Variants in ASIC5 observed in about 807,000 individuals in gnomAD.
ASIC5 encodes the protein bile acid-sensitive ion channel.
In ASIC5, 52 loss-of-function variants were observed where a neutral mutation model predicts 51.2. The observed-to-expected ratio is 1.02, with a 90% confidence interval of 0.81 to 1.28. ASIC5 has a LOEUF of 1.28. Among genes scored for constraint, ASIC5 ranks in the 50% most tolerant of loss-of-function variants. ASIC5 has a pLI of 0.00. For missense variants in ASIC5, 635 were observed against 595.0 expected (o/e 1.07, Z -0.70); for synonymous variants, 231 against 200.7 (o/e 1.15, Z -1.28).
intron 2 of ASIC5, among the ~76,000 whole-genome samples, chr4:155,860,080 T>C (rs1279505851): frequency 6.6e-6 from 1 of 152,008 alleles, no homozygotes; most frequent in African/African-American, 2.4e-5. Flanking sequence ...GACTATTTGT[T>C]AAGGCTTCCA....
At chr4:155,848,797 TAAAC>T (rs1741314776) in intron 4 of ASIC5, among the ~76,000 whole-genome samples, 1 of 152,106 alleles carries the variant, frequency 6.6e-6, no homozygotes, top group African/African-American at 2.4e-5. Context: ...TCATGAGTAT[TAAAC>T]AGAACAGGAA....
At chr4:155,854,368 G>GTCTTCCA in intron 2 of ASIC5, 54 bp from the exon 3 acceptor site, 2 of 1,180,828 alleles carry the variant, frequency 1.7e-6, no homozygotes, top group Non-Finnish European at 2.5e-6. Flanking sequence ...ATAATTATCT[G>GTCTTCCA]GAAGACAGAT....
chr4:155,853,970 TTTGGA>T (rs1741455107), intron 3 of ASIC5, 102 bp downstream of exon 3: 1 of 824,812 alleles, frequency 1.2e-6, no homozygotes, highest in African/African-American at 1.7e-5. Context: ...TGTAAGCAAA[TTTGGA>T]TTGATTCACC....
chr4:155,853,417 CT>C (rs1330589535), intron 3 of ASIC5, among the ~76,000 whole-genome samples: 2 of 151,674 alleles, frequency 1.3e-5, no homozygotes, highest in Admixed American at 1.3e-4. Context: ...ATCAAATTGC[CT>C]GTATAGTTCT....
At chr4:155,845,636 A>G (rs1741222560) in intron 4 of ASIC5, among the ~76,000 whole-genome samples, 1 of 152,074 alleles carries the variant, frequency 6.6e-6, no homozygotes, top group African/African-American at 2.4e-5. Flanking sequence ...AGCTCTGCCC[A>G]GAGCTTAGAG....
At chr4:155,845,817 A>AT (rs1052849561) in intron 4 of ASIC5, among the ~76,000 whole-genome samples, 62 of 152,080 alleles carry the variant, frequency 4.1e-4, no homozygotes, top group African/African-American at 1.4e-3. Context: ...AAAGTTTGCT[A>AT]TTTTATTTTC....
chr4:155,838,095 G>T lies in ASIC5; in HGVS notation c.1066+718C>A, dbSNP rs867984086. ...TGAAATATTTTACAACCATTGAAAA[G>T]AACCTTTTAAATCTATTCCTGCTAC... On this transcript the variant is annotated intron_variant, in intron 7 of 9. Transcript: ENST00000537611. Among the ~76,000 whole-genome samples, 3 of 152,252 alleles carry T rather than the reference G, an allele frequency of 2.0e-5. No homozygotes were observed. The East Asian group carries it at 5.8e-4, about 29-fold the overall frequency.
chr4:155,851,525 G>C (rs1741381461), intron 4 of ASIC5, among the ~76,000 whole-genome samples: 1 of 151,936 alleles, frequency 6.6e-6, no homozygotes, highest in Non-Finnish European at 1.5e-5. Flanking sequence ...AAAGTAGAAT[G>C]CCTTAAAATG....
chr4:155,836,690 T>G lies in ASIC5; in HGVS notation c.1234A>C (p.Arg412=). The part of the protein sequence containing the change: ...KKLNQSRKYI[R]ENLVKIEINY... ...AATTTAAAAGGCTAGTAAGGTTACC[T>G]GATGTATTTCCGGCTTTGATTCAAC... is the stretch of plus-strand genomic sequence containing the variant. The change falls in exon 8 of 10, where the codon AGG becomes CGG. Residue 412 remains arginine, a splice_region_variant and synonymous_variant. Coordinates refer to ENST00000537611, the MANE Select transcript of ASIC5 (RefSeq NM_017419.3). 1 of 1,597,788 alleles carries G rather than the reference T, an allele frequency of 6.3e-7. No individual in the cohort carries two copies. The highest frequency in any genetic ancestry group is 8.6e-7 in the Non-Finnish European group (1 of 1,167,650).
At chr4:155,838,288 T>C (rs1211429972) in intron 7 of ASIC5, among the ~76,000 whole-genome samples, 1 of 151,864 alleles carries the variant, frequency 6.6e-6, no homozygotes, top group East Asian at 1.9e-4. Context: ...TATTGCAGGT[T>C]AAGGTAAGAG....
chr4:155,853,720 G>A (rs559515327), intron 3 of ASIC5, among the ~76,000 whole-genome samples: 55 of 151,400 alleles, frequency 3.6e-4, no homozygotes, highest in Admixed American at 3.6e-3. Flanking sequence ...TATGCAGAGT[G>A]ATGGATATTT....
intron 7 of ASIC5, among the ~76,000 whole-genome samples, chr4:155,837,724 C>T (rs1252565087): frequency 1.3e-5 from 2 of 151,984 alleles, no homozygotes; most frequent in Admixed American, 6.6e-5. Flanking sequence ...GCAAAGACCA[C>T]CACTCTTCTC....
intron 8 of ASIC5, among the ~76,000 whole-genome samples, chr4:155,836,046 T>C (rs1451176421): frequency 6.6e-6 from 1 of 152,238 alleles, no homozygotes; most frequent in East Asian, 1.9e-4. Flanking sequence ...GAAATGCTAA[T>C]GTTGCTTCCC....
chr4:155,829,741 T>C lies in ASIC5; in HGVS notation c.*115A>G. On this transcript the variant is annotated 3_prime_UTR_variant, in exon 10 of 10. Transcript: ENST00000537611. ...AGAAATATATATGAAGAGATACATA[T>C]CTTTAATGGCTTTTATCGAACTCTC... is the stretch of plus-strand genomic sequence containing the variant. 8.4e-6 allele frequency: 5 copies of C among 595,822 alleles called. No homozygotes were observed. Among genetic ancestry groups the C allele is most frequent in the South Asian group, 2.9e-5 (1 of 34,620 alleles). The allele number at this position is 595,822 out of a possible 1,614,324, so 36.9% of individuals were successfully genotyped here. A position where few individuals can be genotyped will look rare whatever the true frequency, so the allele number is the denominator to read the frequency against.
At chr4:155,863,394 G>C (rs1274328261) in intron 2 of ASIC5, 54 bp downstream of exon 2, 3 of 1,378,868 alleles carry the variant, frequency 2.2e-6, no homozygotes, top group Non-Finnish European at 9.9e-7. Context: ...ATCCAAGAAA[G>C]ATTATACTAG....
intron 2 of ASIC5, among the ~76,000 whole-genome samples, chr4:155,860,866 T>G (rs1741685260): frequency 6.6e-6 from 1 of 151,910 alleles, no homozygotes; most frequent in Non-Finnish European, 1.5e-5. Context: ...TTAGACTTCT[T>G]TTTCTTTTTA....
intron 9 of ASIC5, 93 bp downstream of exon 9, chr4:155,831,731 G>T: frequency 1.4e-6 from 1 of 738,956 alleles, no homozygotes; most frequent in Non-Finnish European, 2.2e-6. Context: ...CCAAGATGGC[G>T]CCACTGCACT....
chr4:155,864,990 G>A (rs1351659421), intron 1 of ASIC5: 2 of 152,008 alleles, frequency 1.3e-5, no homozygotes, highest in East Asian at 3.9e-4. Flanking sequence ...CTTACAAGAT[G>A]TTTCAAGCTT....
chr4:155,834,995 C>T (rs1462308123), intron 8 of ASIC5, among the ~76,000 whole-genome samples: 2 of 152,050 alleles, frequency 1.3e-5, no homozygotes, highest in African/African-American at 4.8e-5. Context: ...GCTCCTGATC[C>T]ATCTCACTGA....
Sources: gnomAD v4.1 joint callset for allele counts (sites outside exome capture counted in the v4.1 genomes callset) on GRCh38, gnomAD v4.1.1 for gene constraint, MANE v1.5 for transcripts, NCBI Gene and HGNC (gene_info 2026-07-23, HGNC 2026-07-21) for gene names.